EPHA3: variants seen among roughly 807,000 people sequenced by gnomAD.
EPHA3 encodes EPH receptor A3.
A neutral mutation model predicts 107.1 loss-of-function variants in EPHA3; 42 were observed. That is an observed-to-expected ratio of 0.39 (90% CI 0.31 to 0.51). The LOEUF (loss-of-function observed/expected upper bound fraction) is 0.51. EPHA3 is among the 20% of genes least tolerant of loss of function. EPHA3 has a pLI of 0.78. For synonymous variants in EPHA3, 461 were observed against 424.8 expected (o/e 1.09, Z -1.05); for missense variants, 1,183 against 1,211.2 (o/e 0.98, Z 0.35).
At position 89,351,506 on chromosome 3, in the gene EPHA3, G is replaced by A. The variant is rs1228670425; in HGVS notation, c.1306+9416G>A. ...ACGGTGCGCGCACCCACTGGCCTGC[G>A]CCCACTGTCTGGCACTCCCTAGTGA... On this transcript the variant is annotated intron_variant, in intron 5 of 16. Transcript: ENST00000336596. 9.3e-5 allele frequency among the ~76,000 whole-genome samples: 14 copies of A among 150,006 alleles called. 1 individual carries two copies. The highest frequency in any genetic ancestry group is 3.9e-4 in the East Asian group (2 of 5,098).
chr3:89,324,783 G>A (rs1283267530), intron 3 of EPHA3, among the ~76,000 whole-genome samples: 15 of 151,898 alleles, frequency 9.9e-5, no homozygotes, highest in African/African-American at 3.4e-4. Context: ...CTGAGATTTC[G>A]GATATGAATG....
intron 10 of EPHA3, among the ~76,000 whole-genome samples, chr3:89,413,811 TG>T (rs1709198928): frequency 6.6e-6 from 1 of 151,748 alleles, no homozygotes; most frequent in Admixed American, 6.6e-5. Flanking sequence ...AATATACCTT[TG>T]TTCTAATTAT....
In EPHA3 at chr3:89,252,454, G is replaced by A. The variant is rs552033915; in HGVS notation, c.814+41934G>A. ...TTCTTCAGCATTTAAGAAACTATTT[G>A]GGGCCAGATACAGTGGCTCATGCCT... On this transcript the variant is annotated intron_variant, in intron 3 of 16. Transcript: ENST00000336596. Among the ~76,000 whole-genome samples, 285 of 152,260 alleles carry A rather than the reference G, an allele frequency of 1.9e-3. 1 individual carries two copies. The highest frequency in any genetic ancestry group is 0.01 in the Middle Eastern group (3 of 294).
intron 5 of EPHA3, among the ~76,000 whole-genome samples, chr3:89,372,847 C>CA (rs1400065962): frequency 6.6e-6 from 1 of 151,640 alleles, no homozygotes; most frequent in African/African-American, 2.4e-5. Flanking sequence ...TCTTACCTTG[C>CA]ACTAGTAATA....
chr3:89,112,689 G>A (rs900768941), intron 1 of EPHA3, among the ~76,000 whole-genome samples: 15 of 150,268 alleles, frequency 1.0e-4, no homozygotes, highest in African/African-American at 2.7e-4. Context: ...CAAGTCATAA[G>A]ATCTTCAGGA....
intron 5 of EPHA3, among the ~76,000 whole-genome samples, chr3:89,382,468 A>T (rs1252896326): frequency 6.7e-6 from 1 of 150,370 alleles, no homozygotes; most frequent in African/African-American, 2.5e-5. Flanking sequence ...AGATCGCACC[A>T]TTGCACTCCA....
rs1710422103 is a variant in EPHA3 at position 89,472,450 on chromosome 3, T to G, written c.2691-14T>G. On this transcript the variant is annotated splice_polypyrimidine_tract_variant and intron_variant, in intron 15 of 16. Coordinates refer to ENST00000336596, the MANE Select transcript of EPHA3 (RefSeq NM_005233.6). ...CTCCTGATCTGTCTCCCTTTGGTGT[T>G]TTTTTTCTTGCAGGCCATCAAACCT... 4 of 1,603,240 alleles carry G rather than the reference T, an allele frequency of 2.5e-6. No individual in the cohort carries two copies. In the Admixed American group the frequency reaches 5.1e-5, roughly 20 times the overall value.
At chr3:89,430,200 G>T (rs1709540280) in intron 12 of EPHA3, among the ~76,000 whole-genome samples, 1 of 152,116 alleles carries the variant, frequency 6.6e-6, no homozygotes, top group Non-Finnish European at 1.5e-5. Context: ...GATAAGAAAA[G>T]ACATAGGCCC....
intron 16 of EPHA3, among the ~76,000 whole-genome samples, chr3:89,473,188 A>G (rs896693624): frequency 1.4e-5 from 2 of 141,332 alleles, no homozygotes; most frequent in African/African-American, 5.0e-5. Context: ...TTAAGATAGA[A>G]TTTTTGGGTT....
At chr3:89,385,163 G>T (rs543710290) in intron 5 of EPHA3, among the ~76,000 whole-genome samples, 28 of 152,050 alleles carry the variant, frequency 1.8e-4, no homozygotes, top group Non-Finnish European at 3.4e-4. Flanking sequence ...AAAATTATTT[G>T]CTCTATATGT....
At chr3:89,324,108 A>T (rs1460856412) in intron 3 of EPHA3, among the ~76,000 whole-genome samples, 1 of 151,918 alleles carries the variant, frequency 6.6e-6, no homozygotes, top group Non-Finnish European at 1.5e-5. Context: ...TAACTCAAAA[A>T]ATAGGAATAG....
At chr3:89,235,388 A>G (rs1023213542) in intron 3 of EPHA3, among the ~76,000 whole-genome samples, 1 of 152,214 alleles carries the variant, frequency 6.6e-6, no homozygotes. Context: ...CTAAGATCAG[A>G]TATATTTTAC....
At chr3:89,231,672 G>A (rs1436578196) in intron 3 of EPHA3, among the ~76,000 whole-genome samples, 1 of 152,124 alleles carries the variant, frequency 6.6e-6, no homozygotes, top group Non-Finnish European at 1.5e-5. Context: ...GCTCTCAGGT[G>A]ATATGAACTT....
chr3:89,350,350 A>G (rs527775628), intron 5 of EPHA3, among the ~76,000 whole-genome samples: 83 of 141,350 alleles, frequency 5.9e-4, no homozygotes, highest in Admixed American at 1.1e-3. Context: ...TTCCCTTCTC[A>G]CTTCATTTCA....
intron 3 of EPHA3, among the ~76,000 whole-genome samples, chr3:89,266,606 ACTTTT>A (rs1705544032): frequency 6.6e-6 from 1 of 152,012 alleles, no homozygotes; most frequent in Non-Finnish European, 1.5e-5. Context: ...TAAGAATATA[ACTTTT>A]CTTACATAAG....
chr3:89,333,921 G>A (rs1196683512), intron 3 of EPHA3, among the ~76,000 whole-genome samples: 1 of 151,816 alleles, frequency 6.6e-6, no homozygotes, highest in Non-Finnish European at 1.5e-5. Context: ...ACTAACAGAA[G>A]GCAAATGTGC....
At chr3:89,382,355 A>C (rs1459834307) in intron 5 of EPHA3, among the ~76,000 whole-genome samples, 2 of 151,978 alleles carry the variant, frequency 1.3e-5, no homozygotes, top group African/African-American at 4.8e-5. Context: ...TAGAAATACA[A>C]AAATTAGCCA....
Position 89,449,271 on chromosome 3 carries a change from A to G in EPHA3, c.2393A>G (p.Tyr798Cys). 6.2e-7 allele frequency: 1 copy of G among 1,612,222 alleles called. No individual in the cohort carries two copies. The change falls in exon 14 of 17, where the codon TAC (tyrosine) becomes TGC (cysteine). Residue 798 changes from tyrosine to cysteine, a missense_variant. Coordinates refer to ENST00000336596, the MANE Select transcript of EPHA3 (RefSeq NM_005233.6). ...IRWTSPEAIA[Y>C]RKFTSASDVW... ...TGGACATCACCAGAAGCTATAGCCT[A>G]CCGCAAGTTCACGTCAGCCAGCGAT... is the stretch of plus-strand genomic sequence containing the variant.
chr3:89,386,843 A>G (rs1708632739), intron 5 of EPHA3, among the ~76,000 whole-genome samples: 1 of 152,256 alleles, frequency 6.6e-6, no homozygotes, highest in African/African-American at 2.4e-5. Context: ...ACATGGAGTC[A>G]AAAGAGATTA....
Sources: allele counts gnomAD v4.1 joint callset (sites outside exome capture counted in the v4.1 genomes callset), GRCh38; gene constraint gnomAD v4.1.1; transcripts MANE v1.5; gene names NCBI Gene and HGNC (gene_info 2026-07-23, HGNC 2026-07-21).